The following SCHIP1 variants were observed in gnomAD, a reference collection of about 807,000 sequenced individuals.
The protein encoded by SCHIP1 is schwannomin-interacting protein 1.
In SCHIP1, 8 loss-of-function variants were observed where a neutral mutation model predicts 29.7. That is an observed-to-expected ratio of 0.27 (90% confidence interval 0.16 to 0.49). The LOEUF is 0.49. Ranked by LOEUF, SCHIP1 falls within the 20% of genes least tolerant of loss-of-function variation. The probability of loss-of-function intolerance (pLI) is 0.99; values close to 1 mark genes in which losing one functional copy is unlikely to be tolerated. For synonymous variants in SCHIP1, 76 were observed against 94.9 expected (o/e 0.80, Z 1.16); for missense variants, 193 against 294.6 (o/e 0.66, Z 2.52).
chr3:159,517,862 G>A, the SCHIP1 span, among the ~76,000 whole-genome samples: 2 of 151,966 alleles, frequency 1.3e-5, no homozygotes, highest in African/African-American at 2.4e-5. Flanking sequence ...CATAACTAGT[G>A]GAAGAGATTT....
the SCHIP1 span, among the ~76,000 whole-genome samples, chr3:159,329,643 T>C: frequency 6.6e-6 from 1 of 152,198 alleles, no homozygotes; most frequent in Non-Finnish European, 1.5e-5. Flanking sequence ...TAAAAAGCCA[T>C]CTATATTCAG....
intron 1 of SCHIP1, among the ~76,000 whole-genome samples, chr3:159,860,060 C>A (rs1713869968): frequency 6.6e-6 from 1 of 152,018 alleles, no homozygotes; most frequent in Non-Finnish European, 1.5e-5. Flanking sequence ...CCTCCCTGGT[C>A]TCCACTTGGC....
At chr3:159,399,113 C>T in the SCHIP1 span, among the ~76,000 whole-genome samples, 1 of 151,918 alleles carries the variant, frequency 6.6e-6, no homozygotes, top group Admixed American at 6.5e-5. Flanking sequence ...GAGGCCTTGT[C>T]AGTGGCTGTT....
chr3:159,660,564 C>T, the SCHIP1 span, among the ~76,000 whole-genome samples: 1 of 152,036 alleles, frequency 6.6e-6, no homozygotes, highest in African/African-American at 2.4e-5. Context: ...TACACATATA[C>T]ATAAAACATA....
the SCHIP1 span, among the ~76,000 whole-genome samples, chr3:159,789,947 A>G: frequency 6.6e-6 from 1 of 152,352 alleles, no homozygotes; most frequent in Non-Finnish European, 1.5e-5. Context: ...GTGAGCAGTC[A>G]GTAATTGGAA....
the SCHIP1 span, among the ~76,000 whole-genome samples, chr3:159,643,881 C>G: frequency 6.6e-6 from 1 of 152,060 alleles, no homozygotes; most frequent in East Asian, 1.9e-4. Context: ...CATTTCATTT[C>G]CACAGTTTCT....
the SCHIP1 span, among the ~76,000 whole-genome samples, chr3:159,496,312 C>T: frequency 6.6e-6 from 1 of 152,190 alleles, no homozygotes; most frequent in South Asian, 2.1e-4. Flanking sequence ...TCAGAGTGAA[C>T]AGGCAACCTA....
the SCHIP1 span, among the ~76,000 whole-genome samples, chr3:159,815,244 C>T: frequency 1.3e-5 from 2 of 152,166 alleles, no homozygotes; most frequent in Non-Finnish European, 2.9e-5. Flanking sequence ...CGGAAGAGTT[C>T]CCAGTGATGC....
chr3:159,361,460 G>A, the SCHIP1 span, among the ~76,000 whole-genome samples: 3 of 152,146 alleles, frequency 2.0e-5, no homozygotes, highest in Non-Finnish European at 4.4e-5. Context: ...GATGAGATTC[G>A]AAAATAATTA....
the SCHIP1 span, among the ~76,000 whole-genome samples, chr3:159,424,467 A>T: frequency 2.6e-5 from 4 of 152,206 alleles, no homozygotes; most frequent in East Asian, 7.7e-4. Context: ...GAATGAAATG[A>T]AGTGAGAAGG....
At chr3:159,789,145 A>AGAGATT in the SCHIP1 span, among the ~76,000 whole-genome samples, 1 of 151,868 alleles carries the variant, frequency 6.6e-6, no homozygotes, top group Non-Finnish European at 1.5e-5. Flanking sequence ...AGAGAGAGAG[A>AGAGATT]GAGATTGATT....
the SCHIP1 span, among the ~76,000 whole-genome samples, chr3:159,398,488 T>C: frequency 6.6e-6 from 1 of 152,212 alleles, no homozygotes; most frequent in Non-Finnish European, 1.5e-5. Context: ...TTCAATTGAC[T>C]TTTGTAAAAG....
the SCHIP1 span, among the ~76,000 whole-genome samples, chr3:159,833,554 A>G: frequency 6.6e-6 from 1 of 152,214 alleles, no homozygotes; most frequent in Non-Finnish European, 1.5e-5. Flanking sequence ...GGTTGTAGAC[A>G]GTTGACCCAG....
the SCHIP1 span, among the ~76,000 whole-genome samples, chr3:159,563,299 G>A: frequency 2.4e-4 from 37 of 152,124 alleles, no homozygotes; most frequent in Non-Finnish European, 4.6e-4. Context: ...ACACTTGGAG[G>A]CTGCCACAAT....
At chr3:159,299,763 G>C in the SCHIP1 span, among the ~76,000 whole-genome samples, 2 of 152,124 alleles carry the variant, frequency 1.3e-5, no homozygotes, top group African/African-American at 4.8e-5. Flanking sequence ...TATTTCTGAT[G>C]CCCACAAATG....
At chr3:159,284,918 T>C in the SCHIP1 span, among the ~76,000 whole-genome samples, 1 of 152,204 alleles carries the variant, frequency 6.6e-6, no homozygotes, top group Non-Finnish European at 1.5e-5. Context: ...TTGTTCTAAT[T>C]CAGTTGTGTT....
chr3:159,866,348 TA>T (rs146356178), intron 2 of SCHIP1, 67 bp downstream of exon 3: 43 of 1,420,098 alleles, frequency 3.0e-5, no homozygotes, highest in South Asian at 6.6e-5. Flanking sequence ...ACTATTCTAA[TA>T]AAAAAAAGCC....
At chr3:159,520,397 G>A in the SCHIP1 span, among the ~76,000 whole-genome samples, 1 of 152,124 alleles carries the variant, frequency 6.6e-6, no homozygotes, top group South Asian at 2.1e-4. Flanking sequence ...GAGCAGTCTT[G>A]GGGGTACAGG....
chr3:159,822,430 A>G, the SCHIP1 span, among the ~76,000 whole-genome samples: 1 of 151,886 alleles, frequency 6.6e-6, no homozygotes, highest in African/African-American at 2.4e-5. Flanking sequence ...TGGAATGACA[A>G]TGCAAGATTG....
Sources: gnomAD v4.1 joint callset for allele counts (sites outside exome capture counted in the v4.1 genomes callset) on GRCh38, gnomAD v4.1.1 for gene constraint, MANE v1.5 for transcripts, NCBI Gene and HGNC (gene_info 2026-07-23, HGNC 2026-07-21) for gene names.